The following RBFOX1 variants were observed in gnomAD, a reference collection of about 807,000 sequenced individuals.
The protein encoded by RBFOX1 is RNA binding fox-1 homolog 1.
A neutral mutation model predicts 57.7 loss-of-function variants in RBFOX1; 8 were observed. The ratio of observed to expected loss-of-function variants is 0.14; its 90% CI spans 0.08 to 0.25. The LOEUF is 0.25. Among genes scored for constraint, RBFOX1 ranks in the 10% least tolerant of loss-of-function variants. The pLI, the probability that RBFOX1 is intolerant of heterozygous loss-of-function variation, is 1.00. For synonymous variants in RBFOX1, 326 were observed against 222.4 expected (o/e 1.47, Z -4.15); for missense variants, 611 against 548.5 (o/e 1.11, Z -1.14).
intron 3 of RBFOX1, among the ~76,000 whole-genome samples, chr16:6,732,729 A>C (rs532123150): frequency 6.6e-6 from 1 of 152,356 alleles, no homozygotes; most frequent in Non-Finnish European, 1.5e-5. Flanking sequence ...GATTTATGCC[A>C]TGGGAGAACT....
intron 2 of RBFOX1, among the ~76,000 whole-genome samples, chr16:6,552,915 A>G (rs1315889363): frequency 1.3e-5 from 2 of 152,152 alleles, no homozygotes; most frequent in Non-Finnish European, 2.9e-5. Context: ...ATTAGATTAC[A>G]TAGATTTCTG....
At chr16:7,216,414 G>A (rs1445558508) in intron 4 of RBFOX1, among the ~76,000 whole-genome samples, 2 of 152,168 alleles carry the variant, frequency 1.3e-5, no homozygotes, top group Admixed American at 6.5e-5. Flanking sequence ...CAGCACTTTG[G>A]GAGGCTGAGG....
At chr16:6,079,309 A>T (rs962645452) in intron 1 of RBFOX1, among the ~76,000 whole-genome samples, 3 of 151,536 alleles carry the variant, frequency 2.0e-5, no homozygotes, top group African/African-American at 7.3e-5. Flanking sequence ...CTGTCTCAAA[A>T]TAAAAAATAA....
intron 4 of RBFOX1, among the ~76,000 whole-genome samples, chr16:7,305,439 A>ATGCAGATGAAAATCC (rs1343157231): frequency 4.6e-5 from 7 of 152,142 alleles, no homozygotes; most frequent in African/African-American, 1.4e-4. Flanking sequence ...GGGTTTTGTC[A>ATGCAGATGAAAATCC]TGCAGATGAA....
intron 5 of RBFOX1, among the ~76,000 whole-genome samples, chr16:7,573,554 C>A (rs1421646452): frequency 6.6e-6 from 1 of 152,160 alleles, no homozygotes; most frequent in Non-Finnish European, 1.5e-5. Flanking sequence ...ACTTTTATGG[C>A]CAGGCACAGT....
intron 4 of RBFOX1, among the ~76,000 whole-genome samples, chr16:7,429,694 T>C (rs553085024): frequency 6.6e-6 from 1 of 152,286 alleles, no homozygotes; most frequent in African/African-American, 2.4e-5. Flanking sequence ...AGGTAGATAA[T>C]ATATCTTTTC....
At chr16:5,521,647 A>G (rs1362567218) in intron 2 of RBFOX1, among the ~76,000 whole-genome samples, 5 of 144,454 alleles carry the variant, frequency 3.5e-5, no homozygotes, top group African/African-American at 8.4e-5. Context: ...TGGACAAGAA[A>G]CTTGCCTCTA....
intron 3 of RBFOX1, among the ~76,000 whole-genome samples, chr16:5,692,274 A>T (rs2050711967): frequency 6.6e-6 from 1 of 151,876 alleles, no homozygotes; most frequent in Non-Finnish European, 1.5e-5. Context: ...AAGAAGCAAG[A>T]TGCCATGTTG....
chr16:7,333,009 C>T (rs753427339), intron 4 of RBFOX1: 5 of 1,613,664 alleles, frequency 3.1e-6, no homozygotes, highest in Non-Finnish European at 3.4e-6. Flanking sequence ...AGCATGCTGG[C>T]GTCTCAAGGA....
chr16:6,653,649 A>ATGGATGAATGGGTGGG (rs1254061128), intron 2 of RBFOX1, among the ~76,000 whole-genome samples: 4 of 151,432 alleles, frequency 2.6e-5, no homozygotes, highest in African/African-American at 9.7e-5. Context: ...GAATGGATGG[A>ATGGATGAATGGGTGGG]TGGATGAATG....
intron 2 of RBFOX1, among the ~76,000 whole-genome samples, chr16:6,632,800 T>C (rs2098400858): frequency 6.6e-6 from 1 of 152,228 alleles, no homozygotes; most frequent in Admixed American, 6.5e-5. Flanking sequence ...CAGCCTTGGC[T>C]CTTCTTTTCA....
At chr16:7,360,087 C>G (rs539633171) in intron 4 of RBFOX1, among the ~76,000 whole-genome samples, 1 of 152,262 alleles carries the variant, frequency 6.6e-6, no homozygotes, top group South Asian at 2.1e-4. Context: ...TAAATATTCC[C>G]TCCCCCTATG....
At chr16:7,149,483 C>CT (rs60001454) in intron 4 of RBFOX1, among the ~76,000 whole-genome samples, 60 of 122,236 alleles carry the variant, frequency 4.9e-4, no homozygotes, top group East Asian at 7.0e-4. Context: ...TCTTTCTTTC[C>CT]TTTTTTTTTT....
chr16:6,355,163 C>T (rs1054922913), intron 2 of RBFOX1, among the ~76,000 whole-genome samples: 1 of 152,032 alleles, frequency 6.6e-6, no homozygotes, highest in Non-Finnish European at 1.5e-5. Flanking sequence ...ACTTTAAGTT[C>T]TGGGGTACAT....
chr16:6,967,346 T>A (rs1013008571), intron 3 of RBFOX1, among the ~76,000 whole-genome samples: 1 of 152,124 alleles, frequency 6.6e-6, no homozygotes. Context: ...AGCAGTGGGG[T>A]TGGCTCTCAT....
At chr16:7,504,747 A>ATATT (rs2072431520) in intron 4 of RBFOX1, among the ~76,000 whole-genome samples, 3 of 12,398 alleles carry the variant, frequency 2.4e-4, no homozygotes, top group African/African-American at 7.7e-4. Flanking sequence ...ATATATATAT[A>ATATT]TATATATTTA....
At chr16:7,097,234 C>T (rs950610312) in intron 4 of RBFOX1, among the ~76,000 whole-genome samples, 2 of 151,974 alleles carry the variant, frequency 1.3e-5, no homozygotes, top group South Asian at 4.2e-4. Context: ...TAGGAGGATG[C>T]TAGGGAGGTG....
intron 3 of RBFOX1, among the ~76,000 whole-genome samples, chr16:5,850,855 C>G (rs1278550518): frequency 1.3e-5 from 2 of 152,216 alleles, no homozygotes; most frequent in East Asian, 3.9e-4. Context: ...GGCAGGGAGA[C>G]AGGCAGCTCA....
At chr16:6,386,647 G>C (rs2092302679) in intron 2 of RBFOX1, among the ~76,000 whole-genome samples, 1 of 152,202 alleles carries the variant, frequency 6.6e-6, no homozygotes, top group African/African-American at 2.4e-5. Context: ...AGAGAGAAAA[G>C]AAGTTCTTTT....
Sources: gnomAD v4.1 joint callset for allele counts (sites outside exome capture counted in the v4.1 genomes callset) on GRCh38, gnomAD v4.1.1 for gene constraint, MANE v1.5 for transcripts, NCBI Gene and HGNC (gene_info 2026-07-23, HGNC 2026-07-21) for gene names.